The following METTL15 variants were observed in gnomAD, a reference collection of about 807,000 sequenced individuals.
METTL15 encodes the protein methyltransferase 15, mitochondrial 12S rRNA N4-cytidine, also known as 12S rRNA N(4)-cytidine methyltransferase METTL15.
Under a neutral mutation model 38.3 loss-of-function variants are expected in METTL15, and 34 were observed. That is an observed-to-expected ratio of 0.89 (90% CI 0.68 to 1.18). The LOEUF is 1.18. METTL15 is among the 50% of genes most tolerant of loss of function. The pLI is 0.00. For missense variants in METTL15, 438 were observed against 498.4 expected (o/e 0.88, Z 1.15); for synonymous variants, 162 against 170.9 (o/e 0.95, Z 0.41).
chr11:28,351,506 T>A (rs1850041466), intron 3 of METTL15, among the ~76,000 whole-genome samples: 1 of 152,228 alleles, frequency 6.6e-6, no homozygotes, highest in African/African-American at 2.4e-5. Context: ...GCCCCACATG[T>A]CTATACCAAT....
At chr11:28,504,202 A>AC (rs1407316598) in intron 6 of METTL15, among the ~76,000 whole-genome samples, 1 of 151,280 alleles carries the variant, frequency 6.6e-6, no homozygotes. Context: ...TGTCTCAAAA[A>AC]AAAAAAAAAA....
intron 5 of METTL15, among the ~76,000 whole-genome samples, chr11:28,386,398 T>C (rs140016643): frequency 3.2e-4 from 48 of 151,918 alleles, no homozygotes; most frequent in African/African-American, 1.1e-3. Context: ...TCCATGACAA[T>C]GGTAATTAAA....
At chr11:28,441,059 C>CTT (rs35401554) in intron 6 of METTL15, among the ~76,000 whole-genome samples, 180 of 141,820 alleles carry the variant, frequency 1.3e-3, no homozygotes, top group Non-Finnish European at 1.8e-3. Context: ...TATGACACTA[C>CTT]TTTTTTTTTT....
chr11:28,514,987 C>A (rs1041001742), intron 6 of METTL15, among the ~76,000 whole-genome samples: 2 of 152,146 alleles, frequency 1.3e-5, no homozygotes, highest in Admixed American at 6.5e-5. Flanking sequence ...TGACATCTTA[C>A]ACCTAAATTT....
intron 6 of METTL15, among the ~76,000 whole-genome samples, chr11:28,315,731 CT>C: frequency 6.6e-6 from 1 of 152,220 alleles, no homozygotes; most frequent in Non-Finnish European, 1.5e-5. Context: ...CAAGGCCCCC[CT>C]GTTCTGTGCA....
At chr11:28,460,135 T>C (rs1243172351) in intron 6 of METTL15, among the ~76,000 whole-genome samples, 1 of 152,016 alleles carries the variant, frequency 6.6e-6, no homozygotes, top group Non-Finnish European at 1.5e-5. Flanking sequence ...TAATACTTTA[T>C]TATTATTTTG....
chr11:28,297,181 T>C (rs967916666), intron 6 of METTL15, among the ~76,000 whole-genome samples: 1 of 152,178 alleles, frequency 6.6e-6, no homozygotes, highest in Admixed American at 6.6e-5. Context: ...AAAAATATAC[T>C]GTAGTTTGCT....
chr11:28,467,200 C>T (rs563967166), intron 6 of METTL15, among the ~76,000 whole-genome samples: 36 of 152,314 alleles, frequency 2.4e-4, no homozygotes, highest in South Asian at 1.2e-3. Flanking sequence ...GTCTAGACTT[C>T]TCCCTCTGGT....
chr11:28,504,423 A>C (rs978751027), intron 6 of METTL15, among the ~76,000 whole-genome samples: 17 of 152,184 alleles, frequency 1.1e-4, no homozygotes, highest in African/African-American at 3.9e-4. Flanking sequence ...CAATGGGCCC[A>C]TTATTGTCAG....
At chr11:28,205,326 A>G (rs1852285012) in intron 3 of METTL15, among the ~76,000 whole-genome samples, 2 of 142,636 alleles carry the variant, frequency 1.4e-5, no homozygotes, top group Admixed American at 7.7e-5. Context: ...CTCCTTGTTC[A>G]ATTCCCACCT....
chr11:28,362,063 T>C (rs1850144150), intron 5 of METTL15: 1 of 152,312 alleles, frequency 6.6e-6, no homozygotes, highest in East Asian at 1.9e-4. Context: ...TTTACTAAAA[T>C]ACATATTGAC....
intron 3 of METTL15, among the ~76,000 whole-genome samples, chr11:28,154,185 C>T (rs1850186594): frequency 6.6e-6 from 1 of 152,130 alleles, no homozygotes; most frequent in Non-Finnish European, 1.5e-5. Context: ...GTTAACAACA[C>T]AGGCTGTGGA....
chr11:28,377,513 C>G (rs1850330786), intron 5 of METTL15, among the ~76,000 whole-genome samples: 1 of 152,022 alleles, frequency 6.6e-6, no homozygotes, highest in Non-Finnish European at 1.5e-5. Flanking sequence ...GCTCCATCAG[C>G]TCCTTTAAGC....
chr11:28,469,171 G>T (rs1298625553), intron 6 of METTL15, among the ~76,000 whole-genome samples: 4 of 152,020 alleles, frequency 2.6e-5, no homozygotes, highest in Admixed American at 2.6e-4. Flanking sequence ...TATTTGGTTG[G>T]GTCAGTTTCT....
At chr11:28,353,741 A>C (rs965473606) in intron 4 of METTL15, among the ~76,000 whole-genome samples, 1 of 151,414 alleles carries the variant, frequency 6.6e-6, no homozygotes, top group Non-Finnish European at 1.5e-5. Context: ...CTGGCTAACA[A>C]GGTGAAACCC....
In METTL15 at chr11:28,287,312, T is replaced by G. The variant is rs187326478; in HGVS notation, c.408-2894T>G. On this transcript the variant is annotated intron_variant, in intron 4 of 6. Transcript: ENST00000407364. Reference sequence around the variant, plus strand: ...CGTGGTCCATGAGGCCGGCTGAGGTTGTCATTACAATGAAACCAAACTGGC... The same window carrying G: ...CGTGGTCCATGAGGCCGGCTGAGGTGGTCATTACAATGAAACCAAACTGGC... 2.5e-5 allele frequency: 6 copies of G among 238,444 alleles called. 1 individual carries two copies. In the Admixed American group the frequency reaches 2.8e-4, roughly 11 times the overall value. 14.8% of individuals were successfully genotyped at this position (238,444 alleles called of 1,614,324 possible).
downstream of METTL15, among the ~76,000 whole-genome samples, chr11:28,333,873 A>C (rs190441119): frequency 3.5e-4 from 53 of 152,006 alleles, no homozygotes; most frequent in Admixed American, 3.1e-3. Context: ...CTTAAAATTC[A>C]CTTGCAAATA....
chr11:28,252,089 A>G (rs1854768757), intron 4 of METTL15, among the ~76,000 whole-genome samples: 1 of 152,178 alleles, frequency 6.6e-6, no homozygotes, highest in South Asian at 2.1e-4. Context: ...TTTGGCACCA[A>G]CGATGTGCAA....
chr11:28,238,845 A>G (rs990659044), intron 4 of METTL15, among the ~76,000 whole-genome samples: 4 of 152,212 alleles, frequency 2.6e-5, no homozygotes, highest in Non-Finnish European at 2.9e-5. Context: ...CTCCAGTGAT[A>G]TCCACAATGC....
Sources: allele counts gnomAD v4.1 joint callset (sites outside exome capture counted in the v4.1 genomes callset), GRCh38; gene constraint gnomAD v4.1.1; transcripts MANE v1.5; gene names NCBI Gene and HGNC (gene_info 2026-07-23, HGNC 2026-07-21).